The following PARD3 variants were observed in gnomAD, a reference collection of about 807,000 sequenced individuals.
PARD3 encodes partitioning defective 3 homolog.
PARD3 carries 75 observed loss-of-function variants against 155.4 expected under a neutral mutation model. The observed-to-expected ratio is 0.48, with a 90% confidence interval of 0.40 to 0.58. PARD3 has a LOEUF of 0.58. Ranked by LOEUF, PARD3 falls within the 20% of genes least tolerant of loss-of-function variation. The probability of loss-of-function intolerance (pLI) is 0.00; values close to 1 mark genes in which losing one functional copy is unlikely to be tolerated. For missense variants in PARD3, 1,642 were observed against 1,721.7 expected, an observed-to-expected ratio of 0.95 and a Z score of 0.82; for synonymous variants, 576 against 610.5, an observed-to-expected ratio of 0.94 and a Z score of 0.83.
intron 22 of PARD3, among the ~76,000 whole-genome samples, chr10:34,189,388 G>A (rs1950612191): frequency 6.6e-6 from 1 of 152,102 alleles, no homozygotes; most frequent in Non-Finnish European, 1.5e-5. Context: ...TTCTTTATGG[G>A]GTTAACACTT....
chr10:34,115,254 A>G (rs79900387), intron 24 of PARD3, among the ~76,000 whole-genome samples: 2,171 of 152,256 alleles, frequency 0.014, 28 homozygotes, highest in Non-Finnish European at 0.018. Context: ...GCTTTCGAGG[A>G]AGTCAGACCA....
At chr10:34,733,493 G>C (rs899010893) in intron 1 of PARD3, among the ~76,000 whole-genome samples, 1 of 152,080 alleles carries the variant, frequency 6.6e-6, no homozygotes, top group African/African-American at 2.4e-5. Context: ...GTTTTGTTTT[G>C]TTTCTTTTGA....
rs1835919103 is a variant in PARD3, at chr10:34,334,300, T to A, written c.2605+1899A>T. 2.0e-5 allele frequency among the ~76,000 whole-genome samples: 3 copies of A among 150,162 alleles called. No individual in the cohort carries two copies. In the South Asian group the frequency reaches 6.4e-4, roughly 32 times the overall value. ...AAGAGGGAAATCATAATCATACTAT[T>A]TTCCTAGATCTGTTTCCTATTCCTA... On this transcript the variant is annotated intron_variant, in intron 18 of 24. Coordinates refer to ENST00000374788, the MANE Select transcript of PARD3 (RefSeq NM_001184785.2).
intron 22 of PARD3, among the ~76,000 whole-genome samples, chr10:34,204,715 A>C (rs1951386352): frequency 1.3e-5 from 2 of 149,282 alleles, no homozygotes; most frequent in Admixed American, 6.7e-5. Flanking sequence ...CCCTACAATA[A>C]GAGGATCTGA....
rs1192248149 is a variant in PARD3, at chr10:34,672,401, C to T, written c.222+23917G>A. 3.3e-5 allele frequency among the ~76,000 whole-genome samples: 5 copies of T among 152,248 alleles called. No homozygotes were observed. The East Asian group carries it at 9.6e-4, about 29-fold the overall frequency. On this transcript the variant is annotated intron_variant, in intron 2 of 24. Coordinates refer to ENST00000374788, the MANE Select transcript of PARD3 (RefSeq NM_001184785.2). ...CAGCTACAGGTTCCCAGGCAGCATG[C>T]TCCATTCATTCTGATCTTACAGAAA...
At chr10:34,480,457 C>T (rs1002306309) in intron 3 of PARD3, among the ~76,000 whole-genome samples, 4 of 152,172 alleles carry the variant, frequency 2.6e-5, no homozygotes, top group African/African-American at 9.7e-5. Context: ...AGGCTGGTCA[C>T]AAACTCCTGG....
chr10:34,474,710 T>C (rs1236634106), intron 3 of PARD3, among the ~76,000 whole-genome samples: 1 of 152,238 alleles, frequency 6.6e-6, no homozygotes, highest in Non-Finnish European at 1.5e-5. Context: ...CCTGAGCCAG[T>C]GCTCAATCAC....
At chr10:34,215,227 A>G (rs1951947002) in intron 22 of PARD3, among the ~76,000 whole-genome samples, 1 of 152,218 alleles carries the variant, frequency 6.6e-6, no homozygotes, top group African/African-American at 2.4e-5. Flanking sequence ...TCAGGAGGTC[A>G]GCCCGGAAAA....
chr10:34,161,674 C>CAA (rs1255290133), intron 22 of PARD3, among the ~76,000 whole-genome samples: 1 of 152,144 alleles, frequency 6.6e-6, no homozygotes, highest in Non-Finnish European at 1.5e-5. Flanking sequence ...CATAAAAGAA[C>CAA]AAAAAGGAAA....
intron 2 of PARD3, among the ~76,000 whole-genome samples, chr10:34,596,485 G>A (rs1040541102): frequency 6.6e-6 from 1 of 152,172 alleles, no homozygotes; most frequent in African/African-American, 2.4e-5. Flanking sequence ...GATAGCACCA[G>A]AGAGAATTAG....
At chr10:34,694,154 GAA>G (rs565930938) in intron 2 of PARD3, among the ~76,000 whole-genome samples, 1 of 120,282 alleles carries the variant, frequency 8.3e-6, no homozygotes, top group Non-Finnish European at 1.9e-5. Context: ...AGAGGGAGAA[GAA>G]AAAAAAAAAG....
chr10:34,760,217 T>G (rs1837276809), intron 1 of PARD3, among the ~76,000 whole-genome samples: 1 of 152,026 alleles, frequency 6.6e-6, no homozygotes, highest in African/African-American at 2.4e-5. Context: ...GAAACAGTAT[T>G]TATTATGTTG....
At chr10:34,379,272 A>G (rs1030389214) in intron 9 of PARD3, among the ~76,000 whole-genome samples, 2 of 152,146 alleles carry the variant, frequency 1.3e-5, no homozygotes, top group Non-Finnish European at 2.9e-5. Flanking sequence ...AGAAACATTA[A>G]AGGAGAAATA....
At chr10:34,494,702 T>C (rs1278134202) in intron 3 of PARD3, among the ~76,000 whole-genome samples, 14 of 152,202 alleles carry the variant, frequency 9.2e-5, no homozygotes, top group Admixed American at 8.5e-4. Context: ...ATACAAGGAA[T>C]AGGAAATTTT....
At chr10:34,585,339 C>T (rs1296981077) in intron 2 of PARD3, among the ~76,000 whole-genome samples, 5 of 152,120 alleles carry the variant, frequency 3.3e-5, no homozygotes, top group African/African-American at 1.2e-4. Context: ...ATGATTACTA[C>T]TTAAAATGCT....
At chr10:34,527,463 T>C (rs1417761411) in intron 2 of PARD3, among the ~76,000 whole-genome samples, 2 of 152,078 alleles carry the variant, frequency 1.3e-5, no homozygotes, top group Non-Finnish European at 2.9e-5. Context: ...AGAAAGGAAT[T>C]CAGATGATTC....
intron 2 of PARD3, among the ~76,000 whole-genome samples, chr10:34,562,937 A>G (rs988798818): frequency 5.9e-5 from 9 of 151,902 alleles, no homozygotes; most frequent in African/African-American, 1.9e-4. Flanking sequence ...ACGCCTGGCT[A>G]ATTTTTATAT....
chr10:34,432,706 G>T (rs999683525), intron 5 of PARD3, among the ~76,000 whole-genome samples: 2 of 152,060 alleles, frequency 1.3e-5, no homozygotes, highest in African/African-American at 4.8e-5. Flanking sequence ...ACATAAAGAT[G>T]GTTTACCTTC....
intron 20 of PARD3, among the ~76,000 whole-genome samples, chr10:34,314,782 G>T (rs1957906769): frequency 1.3e-5 from 2 of 152,184 alleles, no homozygotes; most frequent in Non-Finnish European, 2.9e-5. Context: ...TCATAGTAAA[G>T]TATAGCAAAA....
Sources: gnomAD v4.1 joint callset for allele counts (sites outside exome capture counted in the v4.1 genomes callset) on GRCh38, gnomAD v4.1.1 for gene constraint, MANE v1.5 for transcripts, NCBI Gene and HGNC (gene_info 2026-07-23, HGNC 2026-07-21) for gene names.